Variants in STARD13 observed in about 807,000 individuals in gnomAD.
STARD13 encodes StAR related lipid transfer domain containing 13.
Under a neutral mutation model 106.4 loss-of-function variants are expected in STARD13, and 62 were observed. The ratio of observed to expected loss-of-function variants is 0.58; its 90% CI spans 0.48 to 0.72. The LOEUF is 0.72. Among genes scored for constraint, STARD13 ranks in the 30% least tolerant of loss-of-function variants. The pLI is 0.00. For synonymous variants in STARD13, 565 were observed against 553.0 expected (o/e 1.02, Z -0.31); for missense variants, 1,387 against 1,424.0 (o/e 0.97, Z 0.42).
At chr13:33,320,966 A>G (rs762139355) in intron 1 of STARD13, among the ~76,000 whole-genome samples, 12 of 152,182 alleles carry the variant, frequency 7.9e-5, no homozygotes, top group Admixed American at 6.5e-5. Flanking sequence ...TGAGTTCTGG[A>G]TGTATATTAA....
chr13:33,181,510 A>G (rs914821580), intron 1 of STARD13, among the ~76,000 whole-genome samples: 10 of 152,176 alleles, frequency 6.6e-5, no homozygotes, highest in African/African-American at 2.4e-4. Context: ...GAATGACTAT[A>G]AGAGAAAAAT....
chr13:33,189,646 G>A (rs934775805), intron 1 of STARD13, among the ~76,000 whole-genome samples: 1 of 151,680 alleles, frequency 6.6e-6, no homozygotes, highest in Non-Finnish European at 1.5e-5. Flanking sequence ...TTCTATATGG[G>A]TGCCCTTGCT....
At chr13:33,498,382 G>A in the STARD13 span, among the ~76,000 whole-genome samples, 2 of 152,176 alleles carry the variant, frequency 1.3e-5, no homozygotes, top group African/African-American at 4.8e-5. Flanking sequence ...TTTTACATTA[G>A]GGATTGTTAG....
At chr13:33,569,198 T>C in the STARD13 span, among the ~76,000 whole-genome samples, 1 of 148,182 alleles carries the variant, frequency 6.7e-6, no homozygotes, top group Non-Finnish European at 1.5e-5. Flanking sequence ...TGTTATACTA[T>C]GTTATTCTTT....
At chr13:33,315,948 C>G (rs905637703) in intron 1 of STARD13, among the ~76,000 whole-genome samples, 1 of 152,000 alleles carries the variant, frequency 6.6e-6, no homozygotes, top group Admixed American at 6.5e-5. Context: ...CTTTAAGGTG[C>G]GCACAGGGGT....
the STARD13 span, among the ~76,000 whole-genome samples, chr13:33,414,047 A>AAAAAAAAAAAAAAAAAAAAAAAAG: frequency 3.5e-5 from 5 of 143,688 alleles, no homozygotes; most frequent in African/African-American, 1.1e-4. Flanking sequence ...AAAAAAAAAA[A>AAAAAAAAAAAAAAAAAAAAAAAAG]AAAGAAAAGA....
chr13:33,668,292 G>A, the STARD13 span, among the ~76,000 whole-genome samples: 1 of 152,110 alleles, frequency 6.6e-6, no homozygotes, highest in Non-Finnish European at 1.5e-5. Flanking sequence ...GGACCTCTAG[G>A]AAAAATCGAA....
intron 1 of STARD13, among the ~76,000 whole-genome samples, chr13:33,284,041 G>T (rs1306086255): frequency 2.0e-5 from 3 of 152,116 alleles, no homozygotes; most frequent in African/African-American, 7.2e-5. Context: ...CATTTGGAAA[G>T]GCACCATTGT....
At chr13:33,367,353 A>C in the STARD13 span, among the ~76,000 whole-genome samples, 3 of 152,154 alleles carry the variant, frequency 2.0e-5, no homozygotes, top group African/African-American at 7.2e-5. Context: ...TGAAAGCTGC[A>C]GACAGTTCTC....
chr13:33,441,975 G>A, the STARD13 span, among the ~76,000 whole-genome samples: 1 of 152,154 alleles, frequency 6.6e-6, no homozygotes, highest in Admixed American at 6.5e-5. Flanking sequence ...GACACACAGA[G>A]GAGAAAAGAT....
At chr13:33,490,937 G>C in the STARD13 span, among the ~76,000 whole-genome samples, 65 of 152,316 alleles carry the variant, frequency 4.3e-4, 1 homozygote, top group East Asian at 5.8e-4. Context: ...CTCTGCACCT[G>C]CCCATCTGCA....
chr13:33,351,731 A>C (rs7990826), upstream of STARD13, among the ~76,000 whole-genome samples: 136,025 of 152,246 alleles, frequency 0.89, 62,802 homozygotes, highest in East Asian at 1. Context: ...TCTTTGTACC[A>C]AGCTGCCACA....
the STARD13 span, among the ~76,000 whole-genome samples, chr13:33,630,291 G>A: frequency 6.6e-6 from 1 of 151,998 alleles, no homozygotes; most frequent in African/African-American, 2.4e-5. Context: ...TCATTTTTTT[G>A]CATCCTCAGA....
chr13:33,658,049 TA>T, the STARD13 span: 1 of 152,248 alleles, frequency 6.6e-6, no homozygotes, highest in African/African-American at 2.4e-5. Flanking sequence ...CTGTACTCAT[TA>T]AATAATACTT....
the STARD13 span, among the ~76,000 whole-genome samples, chr13:33,594,849 C>T: frequency 6.2e-4 from 94 of 152,280 alleles, no homozygotes; most frequent in Admixed American, 3.9e-4. Flanking sequence ...AATTTCCTCC[C>T]TTTTTAAGCT....
chr13:33,246,087 A>C (rs770358877), intron 1 of STARD13, among the ~76,000 whole-genome samples: 1 of 152,240 alleles, frequency 6.6e-6, no homozygotes, highest in African/African-American at 2.4e-5. Context: ...AATAAGCTCA[A>C]GCTTGGCAAT....
At chr13:33,331,973 A>G (rs892547303) in intron 1 of STARD13, among the ~76,000 whole-genome samples, 2 of 152,210 alleles carry the variant, frequency 1.3e-5, no homozygotes, top group African/African-American at 4.8e-5. Flanking sequence ...GGAGGCCTGT[A>G]AAAGGTCTCA....
chr13:33,648,160 A>T, the STARD13 span, among the ~76,000 whole-genome samples: 29 of 152,364 alleles, frequency 1.9e-4, no homozygotes, highest in African/African-American at 7.0e-4. Flanking sequence ...AAGGCATATT[A>T]TATTATCTCT....
chr13:33,126,976 C>T (rs1877271648), intron 6 of STARD13, among the ~76,000 whole-genome samples: 1 of 152,194 alleles, frequency 6.6e-6, no homozygotes, highest in Non-Finnish European at 1.5e-5. Context: ...GAATTAAATG[C>T]TCTTTGAATG....
Sources: allele counts gnomAD v4.1 joint callset (sites outside exome capture counted in the v4.1 genomes callset), GRCh38; gene constraint gnomAD v4.1.1; transcripts MANE v1.5; gene names NCBI Gene and HGNC (gene_info 2026-07-23, HGNC 2026-07-21).